EZH1: variants seen among roughly 807,000 people sequenced by gnomAD.
EZH1 encodes the protein histone-lysine N-methyltransferase EZH1.
Under a neutral mutation model 100.5 loss-of-function variants are expected in EZH1, and 33 were observed. That is an observed-to-expected ratio of 0.33 (90% CI 0.25 to 0.44). The LOEUF (loss-of-function observed/expected upper bound fraction) is 0.44, where lower values mean the gene tolerates loss of function less well. EZH1 is among the 20% of genes least tolerant of loss of function. The probability of loss-of-function intolerance (pLI) is 1.00; values close to 1 mark genes in which losing one functional copy is unlikely to be tolerated. For missense variants in EZH1, 475 were observed against 928.4 expected (o/e 0.51, Z 6.35); for synonymous variants, 272 against 313.8 (o/e 0.87, Z 1.41).
chr17:42,729,912 C>T (rs2143839862), intron 2 of EZH1, among the ~76,000 whole-genome samples: 1 of 151,964 alleles, frequency 6.6e-6, no homozygotes, highest in South Asian at 2.1e-4. Flanking sequence ...GTGGCACACG[C>T]CTATAATCCC....
Position 42,720,353 on chromosome 17 carries a change from T to C in EZH1, c.584A>G (p.Asn195Ser), listed in dbSNP as rs150955298. 22 of 1,614,072 alleles carry C rather than the reference T, an allele frequency of 1.4e-5. No individual in the cohort carries two copies. Among genetic ancestry groups the C allele is most frequent in the Admixed American group, 5.0e-5 (3 of 59,998 alleles). The change falls in exon 7 of 21, where the codon AAT becomes AGT. Residue 195 changes from asparagine to serine, a missense_variant. By Grantham distance (46) the Asn-to-Ser change is conservative. This residue lies in a region of EZH1 where 180 missense variants were observed against 295.3 expected (regional missense o/e 0.61). Transcript: ENST00000428826. ...QYSDEEEEGH[N>S]DTSDGKQDDS... ...ATCCTGCTTTCCATCTGAGGTGTCATTGTGCCCTTCCTCCTCCTCATCTGA... is the reference window on the plus strand; with the variant it reads ...ATCCTGCTTTCCATCTGAGGTGTCACTGTGCCCTTCCTCCTCCTCATCTGA...
At chr17:42,727,511 G>A in intron 4 of EZH1, 124 bp downstream of exon 4, 1 of 1,180,092 alleles carries the variant, frequency 8.5e-7, no homozygotes, top group Non-Finnish European at 1.2e-6. Context: ...CCAAATAGCT[G>A]GGAATACTTG....
intron 6 of EZH1, among the ~76,000 whole-genome samples, chr17:42,720,798 T>A (rs1288140548): frequency 1.3e-5 from 2 of 152,204 alleles, no homozygotes; most frequent in East Asian, 3.8e-4. Flanking sequence ...TAGCTGAGAT[T>A]ACGCATGTGC....
chr17:42,718,731 T>C lies in EZH1; in HGVS notation c.768-114A>G. 3 of 1,044,538 alleles carry C rather than the reference T, an allele frequency of 2.9e-6. No homozygotes were observed. The highest frequency in any genetic ancestry group is 2.3e-5 in the Admixed American group (1 of 42,636). 64.7% of individuals were successfully genotyped at this position (1,044,538 alleles called of 1,614,324 possible). On this transcript the variant is annotated intron_variant, in intron 8 of 20. Coordinates refer to ENST00000428826, the MANE Select transcript of EZH1 (RefSeq NM_001991.5). This position sits in a 1 kb window ranked among gnomAD's most constrained non-coding sequence, Gnocchi z 4.2. ...GGTCTGCCAAGGGAGGATGGGTGTT[T>C]TTTATAGGTCTGGTTGATAAGAGAA...
chr17:42,722,949 A>C lies in EZH1; in HGVS notation c.367-34T>G, dbSNP rs771781852. 3.7e-6 allele frequency: 6 copies of C among 1,603,954 alleles called. No individual in the cohort carries two copies. In the African/African-American group the frequency reaches 6.7e-5, roughly 18 times the overall value. ...AAACCAGATGTGATTTATTCCATGA[A>C]GCCATCATGCATCTGCTCTTTCCTA... On this transcript the variant is annotated intron_variant, in intron 5 of 20. Transcript: ENST00000428826.
chr17:42,732,022 G>A (rs1303494193), intron 1 of EZH1: 1 of 151,872 alleles, frequency 6.6e-6, no homozygotes, highest in African/African-American at 2.4e-5. Context: ...TTTTCGCTGA[G>A]GTGAGAGGAT....
At chr17:42,722,435 A>C (rs1166280346) in intron 6 of EZH1, among the ~76,000 whole-genome samples, 1 of 151,558 alleles carries the variant, frequency 6.6e-6, no homozygotes. Flanking sequence ...GACCAGCCTG[A>C]CCAACATGGT....
chr17:42,719,038 A>G lies in EZH1; in HGVS notation c.767+67T>C. On this transcript the variant is annotated intron_variant, in intron 8 of 20. Transcript: ENST00000428826. Reference sequence around the variant, plus strand: ...AAACAAAGCTTTTTACTAACCAAAAATTAGGAGGGAATAAAGGTTTTGTCC... The same window carrying G: ...AAACAAAGCTTTTTACTAACCAAAAGTTAGGAGGGAATAAAGGTTTTGTCC... The G allele has an allele frequency of 2.4e-6, 3 of 1,251,930 alleles. No homozygotes were observed. The South Asian group carries it at 3.8e-5, about 16-fold the overall frequency. The allele number at this position is 1,251,930 out of a possible 1,614,324, so 77.6% of individuals were successfully genotyped here.
At chr17:42,722,326 A>G (rs971533809) in intron 6 of EZH1, among the ~76,000 whole-genome samples, 1 of 150,636 alleles carries the variant, frequency 6.6e-6, no homozygotes. Context: ...CTAAAAAAAA[A>G]ATAAAAAAAA....
In EZH1 at chr17:42,737,454, T is replaced by G. The variant is rs144419292; in HGVS notation, c.-102-6536A>C. ...CATCTCTACAAAAGAAATACAAAAA[T>G]TAGTTGGGCATGGTGGCGTGTGCTT... is the stretch of plus-strand genomic sequence containing the variant. On this transcript the variant is annotated intron_variant, in intron 1 of 20. Coordinates refer to ENST00000428826, the MANE Select transcript of EZH1 (RefSeq NM_001991.5). 8.3e-3 allele frequency among the ~76,000 whole-genome samples: 1,267 copies of G among 152,038 alleles called. 20 individuals are homozygous for G. Among genetic ancestry groups the G allele is most frequent in the African/African-American group, 0.029 (1,201 of 41,480 alleles).
Position 42,718,430 on chromosome 17 carries a change from T to C in EZH1, c.931+24A>G. 1 of 1,611,698 alleles carries C rather than the reference T, an allele frequency of 6.2e-7. No homozygotes were observed. The highest frequency in any genetic ancestry group is 8.5e-7 in the Non-Finnish European group (1 of 1,179,344). On this transcript the variant is annotated intron_variant, in intron 9 of 20. Transcript: ENST00000428826. This position sits in a 1 kb window ranked among gnomAD's most constrained non-coding sequence, Gnocchi z 4.2. ...CTGGGGATGGAAGAGAGGAGAGCAT[T>C]TCAAACAGAGTAGCCCCACTCACGG... is the stretch of plus-strand genomic sequence containing the variant.
chr17:42,740,817 CG>C (rs572546266), intron 1 of EZH1, among the ~76,000 whole-genome samples: 196 of 152,260 alleles, frequency 1.3e-3, no homozygotes, highest in Middle Eastern at 3.4e-3. Flanking sequence ...TCAAATTATT[CG>C]GGTAGGTGAG....
intron 18 of EZH1, 41 bp downstream of exon 18, chr17:42,704,561 A>G (rs1220307910): frequency 6.5e-7 from 1 of 1,543,090 alleles, no homozygotes; most frequent in Admixed American, 1.9e-5. Flanking sequence ...AAAAGAAAAA[A>G]AAAAAAGACC....
At chr17:42,738,696 C>T (rs965366209) in intron 1 of EZH1, among the ~76,000 whole-genome samples, 6 of 151,376 alleles carry the variant, frequency 4.0e-5, no homozygotes, top group Admixed American at 1.3e-4. Context: ...AGGTAATTCA[C>T]CCACCTTGGC....
At position 42,713,204 on chromosome 17, in the gene EZH1, C is replaced by T. The variant is rs753272768; in HGVS notation, c.1204+5G>A. Reference sequence around the variant, plus strand: ...GAAAAAGTCTTCATTTTCTGTTCATCGTACCTGAAGAACTGGAGGCCCAGT... The same window carrying T: ...GAAAAAGTCTTCATTTTCTGTTCATTGTACCTGAAGAACTGGAGGCCCAGT... On this transcript the variant is annotated splice_donor_5th_base_variant and intron_variant, in intron 11 of 20. Transcript: ENST00000428826. 5.0e-6 allele frequency: 8 copies of T among 1,612,218 alleles called. No homozygotes were observed. The highest frequency in any genetic ancestry group is 3.4e-5 in the Admixed American group (2 of 59,682).
chr17:42,745,021 G>A lies in EZH1; in HGVS notation c.-113C>T, dbSNP rs1293875715. 6 of 1,271,546 alleles carry A rather than the reference G, an allele frequency of 4.7e-6. No homozygotes were observed. In the East Asian group the frequency reaches 2.5e-4, roughly 53 times the overall value. 78.8% of individuals were successfully genotyped at this position (1,271,546 alleles called of 1,614,324 possible). ...TGTTTACTCACTCACCCTCCATCCC[G>A]AGCCGCGGGTCCCGCTGCTAGGACG... On this transcript the variant is annotated 5_prime_UTR_variant, in exon 1 of 21. Coordinates refer to ENST00000428826, the MANE Select transcript of EZH1 (RefSeq NM_001991.5).
chr17:42,729,028 A>C (rs1471799196), intron 2 of EZH1, 76 bp from the exon 3 acceptor site: 1 of 1,377,250 alleles, frequency 7.3e-7, no homozygotes, highest in African/African-American at 1.5e-5. Flanking sequence ...AAAAAAAAAA[A>C]AGATCAATTA....
chr17:42,725,697 C>T (rs2053805567), intron 4 of EZH1, among the ~76,000 whole-genome samples: 1 of 152,148 alleles, frequency 6.6e-6, no homozygotes, highest in South Asian at 2.1e-4. Flanking sequence ...TTATACACAA[C>T]AGTAAAGAGC....
intron 13 of EZH1, 144 bp from the exon 14 acceptor site, chr17:42,709,060 G>A: frequency 2.4e-6 from 2 of 825,948 alleles, no homozygotes; most frequent in African/African-American, 1.7e-5. Context: ...GACGACTTTG[G>A]TACACAGAAG....
Sources: allele counts gnomAD v4.1 joint callset (sites outside exome capture counted in the v4.1 genomes callset), GRCh38; gene constraint gnomAD v4.1.1; regional missense constraint gnomAD v4.1.1; non-coding constraint Gnocchi (gnomAD v3.1); transcripts MANE v1.5; gene names NCBI Gene and HGNC (gene_info 2026-07-23, HGNC 2026-07-21).